Variants in LINGO2 observed in about 807,000 individuals in gnomAD.
The protein encoded by LINGO2 is leucine rich repeat and Ig domain containing 2.
In LINGO2, 14 loss-of-function variants were observed where a neutral mutation model predicts 30.6. The ratio of observed to expected loss-of-function variants is 0.46; its 90% CI spans 0.30 to 0.72. The LOEUF is 0.72. Ranked by LOEUF, LINGO2 falls within the 30% of genes least tolerant of loss-of-function variation. The pLI is 0.07. For missense variants in LINGO2, 729 were observed against 751.7 expected, an observed-to-expected ratio of 0.97 and a Z score of 0.35; for synonymous variants, 317 against 288.5, an observed-to-expected ratio of 1.10 and a Z score of -1.00.
chr9:29,012,142 G>T, the LINGO2 span, among the ~76,000 whole-genome samples: 1 of 152,080 alleles, frequency 6.6e-6, no homozygotes, highest in African/African-American at 2.4e-5. Flanking sequence ...CAGATCACCT[G>T]AGGTCACAAG....
chr9:28,071,772 C>A (rs573757705), intron 4 of LINGO2, among the ~76,000 whole-genome samples: 2 of 152,028 alleles, frequency 1.3e-5, no homozygotes, highest in African/African-American at 4.8e-5. Context: ...TCTTTCTGTG[C>A]GTCATTCTCT....
chr9:28,055,186 T>C (rs1219249628), intron 4 of LINGO2, among the ~76,000 whole-genome samples: 1 of 152,154 alleles, frequency 6.6e-6, no homozygotes, highest in Non-Finnish European at 1.5e-5. Context: ...ATTGGCTTAA[T>C]TTTTTAAGTT....
chr9:28,925,851 C>T, the LINGO2 span, among the ~76,000 whole-genome samples: 1 of 152,154 alleles, frequency 6.6e-6, no homozygotes, highest in Non-Finnish European at 1.5e-5. Context: ...AAACACAAAA[C>T]TCTTTCACTT....
At chr9:28,216,822 T>C (rs1002224985) in intron 4 of LINGO2, among the ~76,000 whole-genome samples, 12 of 152,002 alleles carry the variant, frequency 7.9e-5, no homozygotes, top group African/African-American at 2.6e-4. Flanking sequence ...ATACCATTTA[T>C]TCAAATAAAT....
the LINGO2 span, among the ~76,000 whole-genome samples, chr9:28,688,002 T>C: frequency 5.8e-4 from 89 of 152,278 alleles, no homozygotes; most frequent in East Asian, 0.013. Context: ...GTAAACAGTT[T>C]GAAACCTTCC....
the LINGO2 span, among the ~76,000 whole-genome samples, chr9:28,808,429 A>C: frequency 6.6e-6 from 1 of 152,232 alleles, no homozygotes; most frequent in South Asian, 2.1e-4. Context: ...GATATTATCT[A>C]AACATTCTGA....
chr9:28,175,817 A>G (rs1262876071), intron 4 of LINGO2, among the ~76,000 whole-genome samples: 3 of 152,194 alleles, frequency 2.0e-5, no homozygotes, highest in Non-Finnish European at 4.4e-5. Flanking sequence ...CAGCGCTCTT[A>G]GGTGTTTGAT....
the LINGO2 span, among the ~76,000 whole-genome samples, chr9:29,108,640 A>T: frequency 2.6e-5 from 4 of 152,232 alleles, no homozygotes; most frequent in African/African-American, 9.6e-5. Flanking sequence ...CCCTAAGCAG[A>T]TATCAGCTGA....
chr9:29,110,083 C>T, the LINGO2 span, among the ~76,000 whole-genome samples: 2 of 152,100 alleles, frequency 1.3e-5, no homozygotes, highest in East Asian at 3.9e-4. Context: ...AAACAATTCT[C>T]ACTTAAAGAA....
At chr9:28,888,902 T>A in the LINGO2 span, 8 of 534,106 alleles carry the variant, frequency 1.5e-5, no homozygotes, top group African/African-American at 1.5e-4. Context: ...CGGGAACTCA[T>A]CAGTCTCCTG....
At chr9:28,162,943 T>C (rs1828328590) in intron 4 of LINGO2, among the ~76,000 whole-genome samples, 2 of 152,184 alleles carry the variant, frequency 1.3e-5, no homozygotes, top group African/African-American at 2.4e-5. Flanking sequence ...ACTAACTTTT[T>C]AAGTGCATTG....
chr9:28,643,545 T>C (rs1212421692), intron 1 of LINGO2, among the ~76,000 whole-genome samples: 1 of 152,002 alleles, frequency 6.6e-6, no homozygotes, highest in Non-Finnish European at 1.5e-5. Flanking sequence ...TCAAAATGAA[T>C]TAAAGACTTA....
chr9:28,499,231 T>C (rs376430742), intron 1 of LINGO2, among the ~76,000 whole-genome samples: 19 of 152,166 alleles, frequency 1.2e-4, no homozygotes, highest in Non-Finnish European at 2.4e-4. Context: ...GAAAGACAGA[T>C]GACTTGTTTT....
At chr9:28,162,534 C>T (rs747719173) in intron 4 of LINGO2, among the ~76,000 whole-genome samples, 9 of 152,070 alleles carry the variant, frequency 5.9e-5, no homozygotes, top group Non-Finnish European at 1.0e-4. Flanking sequence ...ATAAGTCTCT[C>T]CAATGAAGGA....
chr9:28,405,648 C>T (rs1268613259), intron 2 of LINGO2, among the ~76,000 whole-genome samples: 2 of 152,118 alleles, frequency 1.3e-5, no homozygotes, highest in African/African-American at 4.8e-5. Flanking sequence ...AATAGAATTA[C>T]TTTATTGCTG....
At chr9:28,406,233 C>T (rs958703638) in intron 2 of LINGO2, among the ~76,000 whole-genome samples, 3 of 152,030 alleles carry the variant, frequency 2.0e-5, no homozygotes, top group Non-Finnish European at 4.4e-5. Context: ...GTCAGGAGTT[C>T]AAGACCAGCC....
chr9:28,630,067 C>T (rs1826863608), intron 1 of LINGO2, among the ~76,000 whole-genome samples: 1 of 151,812 alleles, frequency 6.6e-6, no homozygotes, highest in Non-Finnish European at 1.5e-5. Flanking sequence ...TGATGATTTC[C>T]AATTTCATCC....
At chr9:28,663,654 T>A (rs1296439862) in intron 1 of LINGO2, among the ~76,000 whole-genome samples, 1 of 152,204 alleles carries the variant, frequency 6.6e-6, no homozygotes, top group Admixed American at 6.5e-5. Context: ...TATGTATTAA[T>A]AATATTTTAA....
chr9:28,973,802 C>T, the LINGO2 span, among the ~76,000 whole-genome samples: 1 of 152,078 alleles, frequency 6.6e-6, no homozygotes, highest in Non-Finnish European at 1.5e-5. Flanking sequence ...CAAAAATATC[C>T]TTCAAACATA....
Sources: allele counts gnomAD v4.1 joint callset (sites outside exome capture counted in the v4.1 genomes callset), GRCh38; gene constraint gnomAD v4.1.1; transcripts MANE v1.5; gene names NCBI Gene and HGNC (gene_info 2026-07-23, HGNC 2026-07-21).